The following GALNT13 variants were observed in gnomAD, a reference collection of about 807,000 sequenced individuals.
The protein encoded by GALNT13 is UDP-GalNAc:polypeptide N-acetylgalactosaminyltransferase 13.
GALNT13 carries 28 observed loss-of-function variants against 64.2 expected under a neutral mutation model. The observed-to-expected ratio is 0.44, with a 90% CI of 0.32 to 0.60. The LOEUF is 0.60. Ranked by LOEUF, GALNT13 falls within the 20% of genes least tolerant of loss-of-function variation. The pLI is 0.05. For synonymous variants in GALNT13, 214 were observed against 224.6 expected (o/e 0.95, Z 0.42); for missense variants, 577 against 669.8 (o/e 0.86, Z 1.53).
the GALNT13 span, among the ~76,000 whole-genome samples, chr2:153,413,611 C>G: frequency 1.4e-4 from 22 of 152,182 alleles, no homozygotes; most frequent in African/African-American, 3.9e-4. Flanking sequence ...TGCCGTTGTT[C>G]TATTGAGTCC....
chr2:154,199,683 CTT>C (rs1484609651), intron 4 of GALNT13, among the ~76,000 whole-genome samples: 1 of 151,850 alleles, frequency 6.6e-6, no homozygotes, highest in Admixed American at 6.6e-5. Flanking sequence ...AAAAAACAGT[CTT>C]ATAATTATGT....
the GALNT13 span, among the ~76,000 whole-genome samples, chr2:153,248,677 G>A: frequency 0.01 from 1,539 of 151,866 alleles, 24 homozygotes; most frequent in African/African-American, 0.035. Flanking sequence ...TTAGCTGGGC[G>A]TGGTGGTGGG....
chr2:153,838,811 C>A, the GALNT13 span, among the ~76,000 whole-genome samples: 14 of 151,738 alleles, frequency 9.2e-5, no homozygotes, highest in Admixed American at 8.6e-4. Flanking sequence ...TTTTCTATGT[C>A]TGTGAAAAAT....
At chr2:153,615,220 G>A in the GALNT13 span, among the ~76,000 whole-genome samples, 426 of 151,906 alleles carry the variant, frequency 2.8e-3, 3 homozygotes, top group African/African-American at 9.8e-3. Context: ...CTTTTTTATG[G>A]CTGAGTAGTA....
At chr2:153,393,907 A>G in the GALNT13 span, among the ~76,000 whole-genome samples, 1 of 150,980 alleles carries the variant, frequency 6.6e-6, no homozygotes, top group African/African-American at 2.4e-5. Flanking sequence ...TCATGAGCCA[A>G]TTCCCTCAAA....
At chr2:153,456,510 A>G in the GALNT13 span, among the ~76,000 whole-genome samples, 1 of 152,168 alleles carries the variant, frequency 6.6e-6, no homozygotes, top group Non-Finnish European at 1.5e-5. Context: ...GTTTACTTGA[A>G]GTGGCTTCCT....
the GALNT13 span, among the ~76,000 whole-genome samples, chr2:153,816,875 C>T: frequency 2.0e-5 from 3 of 152,092 alleles, no homozygotes; most frequent in South Asian, 2.1e-4. Flanking sequence ...ACAATGCAGA[C>T]TCTTTGGGTT....
the GALNT13 span, among the ~76,000 whole-genome samples, chr2:153,527,184 A>G: frequency 6.6e-6 from 1 of 152,166 alleles, no homozygotes; most frequent in Admixed American, 6.6e-5. Context: ...TTATCTAAGT[A>G]CAAGAAGGTT....
At chr2:153,768,259 T>C in the GALNT13 span, among the ~76,000 whole-genome samples, 3 of 152,232 alleles carry the variant, frequency 2.0e-5, no homozygotes, top group Non-Finnish European at 4.4e-5. Flanking sequence ...AAAGAACGTA[T>C]ATTCTGTGGT....
chr2:153,351,049 T>G, the GALNT13 span, among the ~76,000 whole-genome samples: 1 of 152,158 alleles, frequency 6.6e-6, no homozygotes, highest in Non-Finnish European at 1.5e-5. Flanking sequence ...TTTATTCTCT[T>G]AAGAAAAATT....
At chr2:153,775,329 C>T in the GALNT13 span, among the ~76,000 whole-genome samples, 1 of 152,072 alleles carries the variant, frequency 6.6e-6, no homozygotes, top group Non-Finnish European at 1.5e-5. Flanking sequence ...ACACAAAATA[C>T]ATTATTAAAA....
chr2:153,991,217 C>T (rs1251551720), intron 3 of GALNT13, among the ~76,000 whole-genome samples: 1 of 152,144 alleles, frequency 6.6e-6, no homozygotes, highest in Non-Finnish European at 1.5e-5. Context: ...TACTGTTTAA[C>T]ACATTCCAAT....
At chr2:153,359,177 G>A in the GALNT13 span, among the ~76,000 whole-genome samples, 1 of 151,888 alleles carries the variant, frequency 6.6e-6, no homozygotes, top group Non-Finnish European at 1.5e-5. Context: ...GCATTCTTTT[G>A]TACATGTAAG....
At chr2:153,097,244 A>G in the GALNT13 span, among the ~76,000 whole-genome samples, 1 of 152,008 alleles carries the variant, frequency 6.6e-6, no homozygotes, top group South Asian at 2.1e-4. Context: ...TGTTGTAATT[A>G]TTATTTTTGA....
chr2:153,996,192 A>C (rs1396247423), intron 3 of GALNT13, among the ~76,000 whole-genome samples: 1 of 152,166 alleles, frequency 6.6e-6, no homozygotes, highest in East Asian at 1.9e-4. Flanking sequence ...ATAAATACCC[A>C]GTAATGAAAT....
At chr2:154,378,313 T>C (rs1480134630) in intron 9 of GALNT13, among the ~76,000 whole-genome samples, 1 of 152,158 alleles carries the variant, frequency 6.6e-6, no homozygotes, top group Non-Finnish European at 1.5e-5. Flanking sequence ...ATCTTAGGAA[T>C]GATTTGAGAT....
chr2:153,298,880 C>T, the GALNT13 span, among the ~76,000 whole-genome samples: 2 of 152,106 alleles, frequency 1.3e-5, no homozygotes, highest in African/African-American at 4.8e-5. Flanking sequence ...GAGTATGTTA[C>T]TGGAAGGTAA....
chr2:154,088,364 T>C (rs1057212056), intron 3 of GALNT13, among the ~76,000 whole-genome samples: 1 of 152,184 alleles, frequency 6.6e-6, no homozygotes, highest in African/African-American at 2.4e-5. Flanking sequence ...TTTTAAAAAA[T>C]GTTTGTACAT....
intron 3 of GALNT13, among the ~76,000 whole-genome samples, chr2:154,070,516 A>G (rs1231782524): frequency 6.6e-6 from 1 of 152,162 alleles, no homozygotes; most frequent in Non-Finnish European, 1.5e-5. Context: ...AGATCATGAA[A>G]AAAGAAATAA....
Sources: gnomAD v4.1 joint callset for allele counts (sites outside exome capture counted in the v4.1 genomes callset) on GRCh38, gnomAD v4.1.1 for gene constraint, MANE v1.5 for transcripts, NCBI Gene and HGNC (gene_info 2026-07-23, HGNC 2026-07-21) for gene names.